Variants in FECH observed in about 807,000 individuals in gnomAD.
The protein encoded by FECH is ferrochelatase, mitochondrial.
FECH carries 40 observed loss-of-function variants against 56.9 expected under a neutral mutation model. The ratio of observed to expected loss-of-function variants is 0.70; its 90% CI spans 0.55 to 0.92. FECH has a LOEUF of 0.92. Ranked by LOEUF, FECH falls within the 40% of genes least tolerant of loss-of-function variation. The pLI, the probability that FECH is intolerant of heterozygous loss-of-function variation, is 0.00. For synonymous variants in FECH, 175 were observed against 198.6 expected, an observed-to-expected ratio of 0.88 and a Z score of 1.00; for missense variants, 431 against 529.1, an observed-to-expected ratio of 0.81 and a Z score of 1.82.
intron 2 of FECH, 37 bp downstream of exon 2, chr18:57,580,036 G>A: frequency 3.7e-6 from 6 of 1,613,272 alleles, no homozygotes; most frequent in African/African-American, 1.3e-5. Flanking sequence ...CATCGATAAA[G>A]AGAAATTCTT....
At chr18:57,570,010 CTGTTGT>C (rs879297836) in intron 4 of FECH, among the ~76,000 whole-genome samples, 27 of 127,126 alleles carry the variant, frequency 2.1e-4, no homozygotes, top group East Asian at 1.4e-3. Context: ...GTTGTTGTTG[CTGTTGT>C]TGTTGTTGTT....
chr18:57,551,249 G>A (rs756178383), intron 10 of FECH, 66 bp downstream of exon 10: 2 of 1,189,150 alleles, frequency 1.7e-6, no homozygotes, highest in South Asian at 2.6e-5. Flanking sequence ...CCAATATTCT[G>A]CAAGAGTTTC....
At chr18:57,579,981 TC>T in intron 2 of FECH, 91 bp downstream of exon 2, 1 of 1,573,330 alleles carries the variant, frequency 6.4e-7, no homozygotes, top group Non-Finnish European at 8.7e-7. Flanking sequence ...CACTGGCTTT[TC>T]CCAGCACCTT....
At chr18:57,564,309 A>C (rs184334423) in intron 5 of FECH, among the ~76,000 whole-genome samples, 16 of 152,354 alleles carry the variant, frequency 1.1e-4, no homozygotes, top group Non-Finnish European at 2.2e-4. Flanking sequence ...TATTTCTAAG[A>C]GAGAGATGGA....
intron 6 of FECH, among the ~76,000 whole-genome samples, chr18:57,560,239 A>C (rs563965010): frequency 6.6e-6 from 1 of 152,348 alleles, no homozygotes; most frequent in African/African-American, 2.4e-5. Flanking sequence ...TATATGCATA[A>C]CTTATTCTCA....
At chr18:57,551,254 AG>A in intron 10 of FECH, 60 bp downstream of exon 10, 1 of 1,213,492 alleles carries the variant, frequency 8.2e-7, no homozygotes, top group Non-Finnish European at 1.2e-6. Context: ...ATTCTGCAAG[AG>A]TTTCTCAGAG....
intron 6 of FECH, among the ~76,000 whole-genome samples, chr18:57,561,206 A>G (rs1216944657): frequency 1.3e-5 from 2 of 152,202 alleles, no homozygotes; most frequent in Non-Finnish European, 2.9e-5. Flanking sequence ...GAAAACAGTA[A>G]TAAAATGGCT....
At position 57,554,431 on chromosome 18, in the gene FECH, G is replaced by A. The variant is rs369538477; in HGVS notation, c.913-7C>T. On this transcript the variant is annotated splice_polypyrimidine_tract_variant and splice_region_variant and intron_variant, in intron 8 of 10. Transcript: ENST00000262093. The stretch of plus-strand genomic sequence containing the variant: ...ACCAGGGCATTGGACCAACCTATGC[G>A]AAAGATAGACGAATGCGTAAGTGGA... 1.8e-4 allele frequency: 289 copies of A among 1,614,120 alleles called. 5 individuals carry two copies. The South Asian group carries it at 2.7e-3, about 15-fold the overall frequency.
intron 4 of FECH, among the ~76,000 whole-genome samples, chr18:57,570,032 CGTGTGTGTGTGT>C (rs10608112): frequency 3.3e-4 from 41 of 122,862 alleles, no homozygotes; most frequent in Admixed American, 7.2e-4. Context: ...TTGTTGTTGT[CGTGTGTGTGTGT>C]GTGTGTGTGT....
intron 2 of FECH, among the ~76,000 whole-genome samples, chr18:57,579,265 A>ATATATATGTGTGTATATC (rs1555681584): frequency 1.5e-3 from 182 of 123,840 alleles, no homozygotes; most frequent in Non-Finnish European, 2.6e-3. Flanking sequence ...AAAAAGATAT[A>ATATATATGTGTGTATATC]TATATATATG....
intron 1 of FECH, among the ~76,000 whole-genome samples, chr18:57,582,049 TCTC>T (rs2051286894): frequency 8.9e-5 from 2 of 22,542 alleles, no homozygotes; most frequent in African/African-American, 1.9e-4. Context: ...CCAACTCACA[TCTC>T]CTTTTTTACT....
rs562512316 is a variant in FECH, at chr18:57,568,263, C to T, written c.464-1682G>A. Among the ~76,000 whole-genome samples the T allele has an allele frequency of 9.9e-5, 15 of 152,268 alleles. No individual in the cohort carries two copies. In the South Asian group the frequency reaches 2.9e-3, roughly 30 times the overall value. On this transcript the variant is annotated intron_variant, in intron 4 of 10. Transcript: ENST00000262093. ...GTATCTGAAGGTTACGGTCTAAATGCCTAGGGTCTGGGAGTTCCTCAAATC... is the reference window on the plus strand; with the variant it reads ...GTATCTGAAGGTTACGGTCTAAATGTCTAGGGTCTGGGAGTTCCTCAAATC...
chr18:57,551,206 TG>T, intron 10 of FECH, 108 bp downstream of exon 10: 5 of 823,268 alleles, frequency 6.1e-6, no homozygotes, highest in Non-Finnish European at 1.0e-5. Flanking sequence ...TGTAATTAAT[TG>T]GAACTCCAAA....
chr18:57,555,030 G>T, intron 7 of FECH, 78 bp from the exon 8 acceptor site: 2 of 1,114,242 alleles, frequency 1.8e-6, no homozygotes, highest in Non-Finnish European at 2.7e-6. Context: ...TGCTGACACA[G>T]TGTGAGCCCT....
At chr18:57,562,356 ATAT>A (rs1212371901) in intron 6 of FECH, among the ~76,000 whole-genome samples, 12 of 152,268 alleles carry the variant, frequency 7.9e-5, no homozygotes, top group Non-Finnish European at 1.5e-4. Flanking sequence ...GTTAATAAAA[ATAT>A]TATAAATATA....
intron 7 of FECH, among the ~76,000 whole-genome samples, chr18:57,556,715 A>G (rs1231791571): frequency 6.6e-6 from 1 of 152,010 alleles, no homozygotes; most frequent in African/African-American, 2.4e-5. Context: ...GGTCGAGACC[A>G]GACTGGGCAA....
chr18:57,572,667 G>A (rs962954707), intron 3 of FECH, among the ~76,000 whole-genome samples: 5 of 149,944 alleles, frequency 3.3e-5, no homozygotes, highest in Non-Finnish European at 5.9e-5. Context: ...GGATATGCAC[G>A]GACTATTTCT....
At chr18:57,566,311 T>G (rs2051015387) in intron 5 of FECH, 136 bp downstream of exon 5, 1 of 1,203,986 alleles carries the variant, frequency 8.3e-7, no homozygotes. Flanking sequence ...TGACCTGAAC[T>G]CTCGTGTTTA....
chr18:57,570,032 CGTGTGTGTGTGTGTGTGTGTGT>C lies in FECH; in HGVS notation c.463+1338_463+1359del, dbSNP rs10608112. ...TTGCTGTTGTTGTTGTTGTTGTTGT[CGTGTGTGTGTGTGTGTGTGTGT>C]GTGTGTGTGTGTGTGTGTGTGTGTA... On this transcript the variant is annotated intron_variant, in intron 4 of 10. Transcript: ENST00000262093. Among the ~76,000 whole-genome samples, 15 of 122,864 alleles carry C rather than the reference CGTGTGTGTGTGTGTGTGTGTGT, an allele frequency of 1.2e-4. No individual in the cohort carries two copies. In the South Asian group the frequency reaches 4.0e-3, roughly 33 times the overall value. 80.6% of individuals were successfully genotyped at this position (122,864 alleles called of 152,430 possible). A position where few individuals can be genotyped will look rare whatever the true frequency, so the allele number is the denominator to read the frequency against.
Sources: allele counts gnomAD v4.1 joint callset (sites outside exome capture counted in the v4.1 genomes callset), GRCh38; gene constraint gnomAD v4.1.1; transcripts MANE v1.5; gene names NCBI Gene and HGNC (gene_info 2026-07-23, HGNC 2026-07-21).